The following PLCXD3 variants were observed in gnomAD, a reference collection of about 807,000 sequenced individuals.
PLCXD3 encodes PI-PLC X domain-containing protein 3.
PLCXD3 carries 19 observed loss-of-function variants against 25.5 expected under a neutral mutation model. That is an observed-to-expected ratio of 0.75 (90% CI 0.52 to 1.09). The LOEUF (loss-of-function observed/expected upper bound fraction) is 1.09, where lower values mean the gene tolerates loss of function less well. PLCXD3 is among the 50% of genes least tolerant of loss of function. The probability of loss-of-function intolerance (pLI) is 0.00; values close to 1 mark genes in which losing one functional copy is unlikely to be tolerated. For synonymous variants in PLCXD3, 174 were observed against 137.6 expected, an observed-to-expected ratio of 1.26 and a Z score of -1.85; for missense variants, 411 against 388.1, an observed-to-expected ratio of 1.06 and a Z score of -0.50.
chr5:41,361,351 G>A (rs1227340642), intron 2 of PLCXD3, among the ~76,000 whole-genome samples: 1 of 152,204 alleles, frequency 6.6e-6, no homozygotes, highest in African/African-American at 2.4e-5. Flanking sequence ...GAGAAAGCAG[G>A]CAGACCCGCA....
At chr5:41,443,604 G>A (rs1033945154) in intron 1 of PLCXD3, among the ~76,000 whole-genome samples, 3 of 152,198 alleles carry the variant, frequency 2.0e-5, no homozygotes, top group Non-Finnish European at 2.9e-5. Flanking sequence ...ATTATTAGGA[G>A]AGACAGAGCA....
chr5:41,458,782 T>G (rs750974470), intron 1 of PLCXD3, among the ~76,000 whole-genome samples: 4 of 152,096 alleles, frequency 2.6e-5, no homozygotes, highest in Non-Finnish European at 5.9e-5. Flanking sequence ...TCTGTTTAAG[T>G]AAATTACATT....
In PLCXD3 at chr5:41,309,225, T is replaced by G. The variant is rs1743068636; in HGVS notation, c.*4392A>C. 6.6e-6 allele frequency: 1 copy of G among 152,578 alleles called. No homozygotes were observed. Among genetic ancestry groups the G allele is most frequent in the African/African-American group, 2.4e-5 (1 of 41,448 alleles). 9.5% of individuals were successfully genotyped at this position (152,578 alleles called of 1,614,324 possible). ...AATTGAAATAACAATTACACAATTTTCAACAGATTCAATTGACATGTTTTA... is the reference window on the plus strand; with the variant it reads ...AATTGAAATAACAATTACACAATTTGCAACAGATTCAATTGACATGTTTTA... On this transcript the variant is annotated 3_prime_UTR_variant, in exon 3 of 3. Transcript: ENST00000377801.
chr5:41,449,400 T>G (rs191138459), intron 1 of PLCXD3, among the ~76,000 whole-genome samples: 3 of 152,316 alleles, frequency 2.0e-5, no homozygotes, highest in African/African-American at 7.2e-5. Context: ...TTTCTAATTT[T>G]CTAAACTATA....
intron 1 of PLCXD3, among the ~76,000 whole-genome samples, chr5:41,505,198 A>G (rs1267177533): frequency 6.6e-6 from 1 of 152,016 alleles, no homozygotes; most frequent in Non-Finnish European, 1.5e-5. Context: ...CATTTAAGCA[A>G]TTGGAGAGCT....
At chr5:41,351,815 G>A (rs572406610) in intron 2 of PLCXD3, among the ~76,000 whole-genome samples, 2 of 152,142 alleles carry the variant, frequency 1.3e-5, no homozygotes, top group East Asian at 3.9e-4. Context: ...GAACCAAACA[G>A]ATCTCAGTTT....
intron 1 of PLCXD3, among the ~76,000 whole-genome samples, chr5:41,440,215 A>ATTTTTTTTTTTTTTTTTTTTTTTTTT (rs70988846): frequency 1.2e-4 from 5 of 41,080 alleles, no homozygotes; most frequent in African/African-American, 3.1e-4. Context: ...TAATCTCTCA[A>ATTTTTTTTTTTTTTTTTTTTTTTTTT]TTTTTTTTTT....
intron 2 of PLCXD3, 135 bp downstream of exon 2, chr5:41,381,691 A>C: frequency 1.4e-6 from 1 of 722,424 alleles, no homozygotes; most frequent in South Asian, 2.3e-5. Flanking sequence ...TAAGAAACCC[A>C]ATTAGTGGTA....
intron 1 of PLCXD3, among the ~76,000 whole-genome samples, chr5:41,488,081 C>G (rs1334275109): frequency 1.5e-5 from 2 of 134,284 alleles, no homozygotes; most frequent in East Asian, 2.4e-4. Context: ...CCCCTCCCCC[C>G]ACGCCACAAC....
chr5:41,330,750 A>G (rs1743776358), intron 2 of PLCXD3, among the ~76,000 whole-genome samples: 1 of 152,182 alleles, frequency 6.6e-6, no homozygotes, highest in South Asian at 2.1e-4. Flanking sequence ...ATCCACCATG[A>G]TGAAGTGGGC....
At chr5:41,316,007 A>T (rs1347392680) in intron 2 of PLCXD3, among the ~76,000 whole-genome samples, 2 of 152,184 alleles carry the variant, frequency 1.3e-5, no homozygotes, top group African/African-American at 4.8e-5. Flanking sequence ...AGGCAACTCC[A>T]TACTGAGACA....
intron 1 of PLCXD3, among the ~76,000 whole-genome samples, chr5:41,423,546 G>T (rs1746878610): frequency 6.6e-6 from 1 of 152,056 alleles, no homozygotes; most frequent in African/African-American, 2.4e-5. Flanking sequence ...TTTATTAGAA[G>T]AAATAGATTT....
chr5:41,460,453 T>C (rs1580384185), intron 1 of PLCXD3, among the ~76,000 whole-genome samples: 1 of 151,656 alleles, frequency 6.6e-6, no homozygotes, highest in East Asian at 1.9e-4. Context: ...AGAGAAACTT[T>C]AGAGTGAGGG....
At chr5:41,410,940 C>G (rs1451718403) in intron 1 of PLCXD3, among the ~76,000 whole-genome samples, 1 of 152,126 alleles carries the variant, frequency 6.6e-6, no homozygotes, top group Middle Eastern at 3.2e-3. Flanking sequence ...GGTGGCAGAC[C>G]CTGCAGTTTG....
At chr5:41,492,768 GC>G (rs1748734290) in intron 1 of PLCXD3, among the ~76,000 whole-genome samples, 2 of 152,176 alleles carry the variant, frequency 1.3e-5, no homozygotes, top group African/African-American at 2.4e-5. Flanking sequence ...TCGAGCCTTG[GC>G]TTTCAGCCCC....
intron 1 of PLCXD3, among the ~76,000 whole-genome samples, chr5:41,410,544 A>C (rs1287179978): frequency 1.3e-5 from 2 of 152,008 alleles, no homozygotes; most frequent in Non-Finnish European, 2.9e-5. Context: ...TGCTCCTTAC[A>C]CATGTGCCGT....
rs115363817 is a variant in PLCXD3, at chr5:41,372,197, A to T, written c.812+9629T>A. 2.3e-3 allele frequency among the ~76,000 whole-genome samples: 345 copies of T among 152,126 alleles called. 2 individuals are homozygous for T. Among genetic ancestry groups the T allele is most frequent in the Middle Eastern group, 0.01 (3 of 294 alleles). ...TCTGCCCAGCAATTCCATAGAAGAA[A>T]ACTGAGATCCAGAGAGGTTTACTAG... On this transcript the variant is annotated intron_variant, in intron 2 of 2. Transcript: ENST00000377801.
intron 1 of PLCXD3, among the ~76,000 whole-genome samples, chr5:41,505,108 A>G (rs1358590123): frequency 6.6e-6 from 1 of 152,174 alleles, no homozygotes; most frequent in Non-Finnish European, 1.5e-5. Flanking sequence ...AAATATGAGT[A>G]AATAAACTCT....
intron 1 of PLCXD3, among the ~76,000 whole-genome samples, chr5:41,430,565 T>G (rs556932230): frequency 2.8e-4 from 43 of 152,156 alleles, no homozygotes; most frequent in Non-Finnish European, 6.0e-4. Context: ...TGGTTGGAGT[T>G]TCGCTTGCCT....
Sources: allele counts gnomAD v4.1 joint callset (sites outside exome capture counted in the v4.1 genomes callset), GRCh38; gene constraint gnomAD v4.1.1; transcripts MANE v1.5; gene names NCBI Gene and HGNC (gene_info 2026-07-23, HGNC 2026-07-21).